Variants in SPAG17 observed in about 807,000 individuals in gnomAD.
SPAG17 encodes sperm associated antigen 17, also known as sperm-associated antigen 17.
Under a neutral mutation model 273.6 loss-of-function variants are expected in SPAG17, and 169 were observed. The observed-to-expected ratio is 0.62, with a 90% confidence interval of 0.55 to 0.70. The LOEUF (loss-of-function observed/expected upper bound fraction) is 0.70. Among genes scored for constraint, SPAG17 ranks in the 30% least tolerant of loss-of-function variants. SPAG17 has a pLI of 0.00. For synonymous variants in SPAG17, 825 were observed against 873.2 expected (o/e 0.94, Z 0.97); for missense variants, 2,557 against 2,627.8 (o/e 0.97, Z 0.59).
chr1:118,076,114 C>T (rs1413617924), intron 15 of SPAG17, among the ~76,000 whole-genome samples: 2 of 151,920 alleles, frequency 1.3e-5, no homozygotes, highest in African/African-American at 4.8e-5. Context: ...TGAGAAGAAT[C>T]TACATCATAT....
intron 8 of SPAG17, among the ~76,000 whole-genome samples, chr1:118,092,375 C>T (rs1435140608): frequency 6.6e-6 from 1 of 152,150 alleles, no homozygotes; most frequent in Non-Finnish European, 1.5e-5. Flanking sequence ...AAACCAGACT[C>T]TCAACTTAGC....
chr1:118,108,507 T>G (rs919263208), intron 4 of SPAG17, among the ~76,000 whole-genome samples: 1 of 152,180 alleles, frequency 6.6e-6, no homozygotes, highest in African/African-American at 2.4e-5. Context: ...CTCTGGCCTT[T>G]CTTGCTTCTG....
At chr1:118,019,415 A>C (rs1250257394) in intron 28 of SPAG17, among the ~76,000 whole-genome samples, 1 of 152,140 alleles carries the variant, frequency 6.6e-6, no homozygotes, top group Non-Finnish European at 1.5e-5. Context: ...GAACTGAAAG[A>C]CCTAAAGTAA....
chr1:118,047,338 G>A (rs979632417), intron 20 of SPAG17, among the ~76,000 whole-genome samples: 3 of 152,190 alleles, frequency 2.0e-5, no homozygotes, highest in African/African-American at 4.8e-5. Flanking sequence ...CCAGGTGAGA[G>A]AGTATAGCAT....
chr1:118,081,730 T>C, intron 13 of SPAG17, 88 bp from the exon 14 acceptor site: 1 of 1,101,928 alleles, frequency 9.1e-7, no homozygotes, highest in Non-Finnish European at 1.3e-6. Context: ...GGAGTCTGTC[T>C]ACCAGAAAGA....
Position 118,097,735 on chromosome 1 carries a change from C to A in SPAG17, c.946G>T (p.Ala316Ser), listed in dbSNP as rs776094586. 15 of 1,610,442 alleles carry A rather than the reference C, an allele frequency of 9.3e-6. No individual in the cohort carries two copies. The highest frequency in any genetic ancestry group is 1.3e-5 in the Non-Finnish European group (15 of 1,178,786). Residue 316 changes from alanine (A) to serine (S), a missense_variant, in exon 7 of 49, where the codon GCT becomes TCT. Transcript: ENST00000336338. ...EKPETNLFDV[A>S]RLEYMVKAAD... ...GCTTTGACCATGTACTCAAGTCGAG[C>A]AACATCAAAGAGATTTGTTTCAGGT...
rs571354087 is a variant in SPAG17 at position 117,996,760 on chromosome 1, G to A, written c.4777-17C>T. On this transcript the variant is annotated splice_polypyrimidine_tract_variant and intron_variant, in intron 32 of 48. Coordinates refer to ENST00000336338, the MANE Select transcript of SPAG17 (RefSeq NM_206996.4). ...AGCCATGACCTAAGGGATAAAGTAT[G>A]TAAGCAACTAAAAGAAAAGAAAGTC... 2.3e-4 allele frequency: 367 copies of A among 1,575,746 alleles called. 4 individuals are homozygous for A. In the South Asian group the frequency reaches 4.1e-3, roughly 18 times the overall value.
rs61838285 is a variant in SPAG17 at position 118,185,049 on chromosome 1, G to T, written c.87+22C>A. 4,474 of 1,608,696 alleles carry T rather than the reference G, an allele frequency of 2.8e-3. 14 individuals are homozygous for T. Among genetic ancestry groups the T allele is most frequent in the South Asian group, 5.1e-3 (467 of 90,970 alleles). On this transcript the variant is annotated intron_variant, in intron 1 of 48. Transcript: ENST00000336338. ...TCTGGCATTGCCGGGGGCAGGGAGG[G>T]CTTAAAGGGCTCAAGGCTCACCTGA...
intron 20 of SPAG17, among the ~76,000 whole-genome samples, chr1:118,045,467 C>T (rs1256044565): frequency 6.6e-6 from 1 of 152,246 alleles, no homozygotes; most frequent in Non-Finnish European, 1.5e-5. Flanking sequence ...ACACACTCCA[C>T]TTCCATGGGG....
intron 18 of SPAG17, among the ~76,000 whole-genome samples, chr1:118,062,139 G>A (rs1451960760): frequency 5.3e-5 from 8 of 151,860 alleles, no homozygotes; most frequent in African/African-American, 9.7e-5. Context: ...AGGCCGAGGC[G>A]GGCGGATCAC....
chr1:118,072,529 A>G (rs2102096291), intron 17 of SPAG17, among the ~76,000 whole-genome samples: 1 of 152,324 alleles, frequency 6.6e-6, no homozygotes, highest in South Asian at 2.1e-4. Context: ...GTTTGAATGT[A>G]TTGAGTGACT....
At chr1:118,145,989 G>C (rs1226749123) in intron 3 of SPAG17, among the ~76,000 whole-genome samples, 1 of 152,096 alleles carries the variant, frequency 6.6e-6, no homozygotes, top group Admixed American at 6.6e-5. Context: ...GTGGATGAAG[G>C]CTCATTTCCT....
chr1:117,996,245 C>G (rs559722034), intron 34 of SPAG17, 125 bp downstream of exon 34: 19 of 1,128,882 alleles, frequency 1.7e-5, no homozygotes, highest in East Asian at 2.4e-5. Flanking sequence ...GCTCTACTTT[C>G]CAAAGTAGAG....
At chr1:118,142,747 T>C (rs1202181409) in intron 3 of SPAG17, among the ~76,000 whole-genome samples, 2 of 152,152 alleles carry the variant, frequency 1.3e-5, no homozygotes, top group Non-Finnish European at 2.9e-5. Context: ...GTTATGTAAC[T>C]CGTGCAAGAT....
chr1:118,127,238 G>T (rs1558031976), intron 3 of SPAG17, among the ~76,000 whole-genome samples: 1 of 151,914 alleles, frequency 6.6e-6, no homozygotes, highest in Non-Finnish European at 1.5e-5. Context: ...TTCTTGCACT[G>T]CCCTAAAGAA....
chr1:118,127,350 G>A (rs1236101519), intron 3 of SPAG17, among the ~76,000 whole-genome samples: 2 of 152,092 alleles, frequency 1.3e-5, no homozygotes, highest in Non-Finnish European at 1.5e-5. Context: ...CAGCTTCTAG[G>A]GAGGCCTCAG....
chr1:117,958,675 G>C (rs1652570925), intron 48 of SPAG17, among the ~76,000 whole-genome samples: 1 of 151,936 alleles, frequency 6.6e-6, no homozygotes, highest in Non-Finnish European at 1.5e-5. Context: ...AAGAGCCTTT[G>C]CAAATGAGTT....
intron 17 of SPAG17, among the ~76,000 whole-genome samples, chr1:118,069,427 T>C (rs1337447682): frequency 6.6e-6 from 1 of 150,432 alleles, no homozygotes; most frequent in Non-Finnish European, 1.5e-5. Flanking sequence ...ACACTGATGA[T>C]GGATTAGGTA....
At chr1:118,055,619 A>T in intron 19 of SPAG17, 114 bp downstream of exon 19, 1 of 858,060 alleles carries the variant, frequency 1.2e-6, no homozygotes, top group South Asian at 1.7e-5. Context: ...AGTCACAGGA[A>T]CTTTTTTGGG....
Sources: gnomAD v4.1 joint callset for allele counts (sites outside exome capture counted in the v4.1 genomes callset) on GRCh38, gnomAD v4.1.1 for gene constraint, MANE v1.5 for transcripts, NCBI Gene and HGNC (gene_info 2026-07-23, HGNC 2026-07-21) for gene names.